Variants in TMEM131 observed in about 807,000 individuals in gnomAD.
TMEM131 encodes the protein 2610524E03Rik.
In TMEM131, 66 loss-of-function variants were observed where a neutral mutation model predicts 211.6. The observed-to-expected ratio is 0.31, with a 90% CI of 0.26 to 0.38. The LOEUF is 0.38. Among genes scored for constraint, TMEM131 ranks in the 10% least tolerant of loss-of-function variants. The probability of loss-of-function intolerance (pLI) is 1.00; values close to 1 mark genes in which losing one functional copy is unlikely to be tolerated. For synonymous variants in TMEM131, 844 were observed against 841.3 expected (o/e 1.00, Z -0.06); for missense variants, 2,036 against 2,299.3 (o/e 0.89, Z 2.34).
At chr2:97,890,355 T>C (rs1033766988) in intron 3 of TMEM131, among the ~76,000 whole-genome samples, 13 of 151,708 alleles carry the variant, frequency 8.6e-5, no homozygotes, top group African/African-American at 2.9e-4. Context: ...CAAGGGAGAG[T>C]AGCGAGCAGT....
chr2:97,818,775 T>C (rs940317241), intron 11 of TMEM131, 54 bp from the exon 12 acceptor site: 22 of 1,224,340 alleles, frequency 1.8e-5, no homozygotes, highest in African/African-American at 1.3e-4. Context: ...AATGGTTCAG[T>C]TGCCTTATAC....
intron 33 of TMEM131, among the ~76,000 whole-genome samples, chr2:97,768,632 C>A (rs1313573546): frequency 6.6e-6 from 1 of 152,124 alleles, no homozygotes; most frequent in Non-Finnish European, 1.5e-5. Flanking sequence ...ACTCTGTCAC[C>A]CAGGCTGGAG....
chr2:97,887,940 G>A, intron 4 of TMEM131, 112 bp downstream of exon 4: 1 of 795,306 alleles, frequency 1.3e-6, no homozygotes. Flanking sequence ...CTGATGACTA[G>A]AACATGTAAC....
rs1345895314 is a variant in TMEM131 at position 97,812,735 on chromosome 2, G to C, written c.1632C>G (p.Pro544=). The change falls in exon 16 of 41, where the codon CCC becomes CCG. Residue 544 remains proline, a synonymous_variant. Coordinates refer to ENST00000186436, the MANE Select transcript of TMEM131 (RefSeq NM_015348.2). ...YTGFLDYFVL[P]PKIEERFIDF... is the part of the protein sequence containing the mutation. The stretch of plus-strand genomic sequence containing the variant: ...CTATGAAACGTTCCTCTATTTTGGG[G>C]GGCAATACAAAGTACTGGAAAGATA... 1 of 1,578,130 alleles carries C rather than the reference G, an allele frequency of 6.3e-7. No homozygotes were observed. Among genetic ancestry groups the C allele is most frequent in the Non-Finnish European group, 8.6e-7 (1 of 1,166,032 alleles).
intron 10 of TMEM131, among the ~76,000 whole-genome samples, 155 bp downstream of exon 10, chr2:97,834,466 G>A (rs1682848266): frequency 6.6e-6 from 1 of 152,026 alleles, no homozygotes. Flanking sequence ...AACCTGTAAA[G>A]GCGCTGAGTC....
intron 11 of TMEM131, among the ~76,000 whole-genome samples, chr2:97,820,613 C>T (rs1320986287): frequency 6.6e-6 from 1 of 152,058 alleles, no homozygotes; most frequent in Admixed American, 6.5e-5. Flanking sequence ...AGTCCTAGCA[C>T]GTTGGGAGGC....
chr2:97,820,831 G>A (rs1682080702), intron 11 of TMEM131, among the ~76,000 whole-genome samples: 1 of 151,726 alleles, frequency 6.6e-6, no homozygotes, highest in South Asian at 2.1e-4. Flanking sequence ...ACTCCAGCCT[G>A]GGCAACAGAG....
chr2:97,797,417 C>G lies in TMEM131; in HGVS notation c.2818G>C (p.Val940Leu), dbSNP rs778794647. 1 of 1,612,614 alleles carries G rather than the reference C, an allele frequency of 6.2e-7. No homozygotes were observed. The highest frequency in any genetic ancestry group is 2.2e-5 in the East Asian group (1 of 44,856). The change falls in exon 26 of 41, where the codon GTA (valine) becomes CTA (leucine). Residue 940 changes from valine to leucine, a missense_variant. Transcript: ENST00000186436. The stretch of plus-strand genomic sequence containing the variant: ...CTGTTGTGAACTGGAGTAAACTTTA[C>G]TTTGACAGATTTCTTTTCTCCAGGT... ...LKPGEKKSVK[V>L]KFTPVHNRTV...
At chr2:97,952,358 A>G (rs1164924181) in intron 1 of TMEM131, among the ~76,000 whole-genome samples, 1 of 152,194 alleles carries the variant, frequency 6.6e-6, no homozygotes, top group Non-Finnish European at 1.5e-5. Context: ...ACATAAACTT[A>G]CAGAGCGAAT....
rs1353480244 is a variant in TMEM131 at position 97,995,900 on chromosome 2, G to T, written c.-238C>A. The T allele has an allele frequency of 4.5e-6, 1 of 222,406 alleles. No homozygotes were observed. The highest frequency in any genetic ancestry group is 8.6e-6 in the Non-Finnish European group (1 of 115,964). The allele number at this position is 222,406 out of a possible 1,614,324, so 13.8% of individuals were successfully genotyped here. ...AAGCAGTCGGAGCGGAGAGGCCGCG[G>T]GTCAGGCGCGGCGGGCGGCCATACT... On this transcript the variant is annotated 5_prime_UTR_variant, in exon 1 of 41. Coordinates refer to ENST00000186436, the MANE Select transcript of TMEM131 (RefSeq NM_015348.2).
intron 33 of TMEM131, among the ~76,000 whole-genome samples, chr2:97,767,262 A>G (rs1446758052): frequency 6.6e-6 from 1 of 152,228 alleles, no homozygotes; most frequent in Non-Finnish European, 1.5e-5. Context: ...TAAGCTTAAG[A>G]TAATAAGCAT....
intron 8 of TMEM131, among the ~76,000 whole-genome samples, chr2:97,835,963 T>A (rs976150204): frequency 1.3e-5 from 2 of 152,220 alleles, no homozygotes; most frequent in African/African-American, 2.4e-5. Flanking sequence ...CTCTTAGGTT[T>A]ATTTATTAGA....
At chr2:97,961,695 G>C (rs968708611) in intron 1 of TMEM131, among the ~76,000 whole-genome samples, 8 of 152,186 alleles carry the variant, frequency 5.3e-5, no homozygotes, top group African/African-American at 1.9e-4. Flanking sequence ...TAAATCAACA[G>C]AACAGAATTG....
At chr2:97,778,530 G>A (rs2104829117) in intron 31 of TMEM131, among the ~76,000 whole-genome samples, 1 of 150,570 alleles carries the variant, frequency 6.6e-6, no homozygotes, top group South Asian at 2.1e-4. Context: ...CAGCCTGGGT[G>A]ACAGAGCAAG....
intron 1 of TMEM131, among the ~76,000 whole-genome samples, chr2:97,985,408 T>C (rs1329155790): frequency 6.6e-6 from 1 of 151,688 alleles, no homozygotes; most frequent in Non-Finnish European, 1.5e-5. Flanking sequence ...ACAAACAAAA[T>C]GGAAAACCCT....
intron 2 of TMEM131, among the ~76,000 whole-genome samples, chr2:97,926,187 T>C (rs927066522): frequency 1.3e-5 from 2 of 152,146 alleles, no homozygotes; most frequent in African/African-American, 4.8e-5. Flanking sequence ...AGGAATGTTC[T>C]TGGGCAAAAT....
intron 22 of TMEM131, among the ~76,000 whole-genome samples, chr2:97,804,287 G>A (rs757256383): frequency 5.9e-5 from 9 of 152,068 alleles, no homozygotes; most frequent in Non-Finnish European, 1.2e-4. Context: ...GTCATTAGAT[G>A]CACATTTCCT....
intron 4 of TMEM131, among the ~76,000 whole-genome samples, chr2:97,875,148 T>C (rs1674641348): frequency 6.6e-6 from 1 of 152,182 alleles, no homozygotes; most frequent in African/African-American, 2.4e-5. Flanking sequence ...AAGGGATCAA[T>C]GCAACAAGAA....
At chr2:97,993,810 G>A (rs116652583) in intron 1 of TMEM131, among the ~76,000 whole-genome samples, 4,164 of 152,282 alleles carry the variant, frequency 0.027, 63 homozygotes, top group Middle Eastern at 0.065. Flanking sequence ...TAGGCTGACA[G>A]TTCTCAAACA....
Sources: gnomAD v4.1 joint callset for allele counts (sites outside exome capture counted in the v4.1 genomes callset) on GRCh38, gnomAD v4.1.1 for gene constraint, MANE v1.5 for transcripts, NCBI Gene and HGNC (gene_info 2026-07-23, HGNC 2026-07-21) for gene names.